Variants in SLC27A5 observed in about 807,000 individuals in gnomAD.
The protein encoded by SLC27A5 is long-chain fatty acid transport protein 5.
In SLC27A5, 47 loss-of-function variants were observed where a neutral mutation model predicts 63.1. The ratio of observed to expected loss-of-function variants is 0.74; its 90% confidence interval spans 0.59 to 0.95. SLC27A5 has a LOEUF of 0.95. Among genes scored for constraint, SLC27A5 ranks in the 40% least tolerant of loss-of-function variants. The pLI is 0.00. For missense variants in SLC27A5, 940 were observed against 921.0 expected, an observed-to-expected ratio of 1.02 and a Z score of -0.27; for synonymous variants, 391 against 403.8, an observed-to-expected ratio of 0.97 and a Z score of 0.38.
intron 4 of SLC27A5, 24 bp from the exon 5 acceptor site, chr19:58,500,730 TGAG>T (rs2053265645): frequency 1.2e-6 from 2 of 1,602,248 alleles, no homozygotes; most frequent in African/African-American, 2.7e-5. Context: ...CCCAGAAGGG[TGAG>T]GAGGAGGTGC....
rs143090243 is a variant in SLC27A5 at position 58,511,095 on chromosome 19, A to T, written c.689-165T>A. Reference sequence around the variant, plus strand: ...TTAGTATTTTTGGTCAAATTGTGGGAAAATTAAACTCTGATGACCTGAGAA... The same window carrying T: ...TTAGTATTTTTGGTCAAATTGTGGGTAAATTAAACTCTGATGACCTGAGAA... On this transcript the variant is annotated intron_variant, in intron 1 of 9. Transcript: ENST00000263093. 1,134 of 942,230 alleles carry T rather than the reference A, an allele frequency of 1.2e-3. 5 individuals carry two copies. In the African/African-American group the frequency reaches 0.017, roughly 14 times the overall value. The allele number at this position is 942,230 out of a possible 1,614,324, so 58.4% of individuals were successfully genotyped here.
chr19:58,511,429 G>A lies in SLC27A5; in HGVS notation c.527C>T (p.Ala176Val), dbSNP rs2053409730. 6.2e-7 allele frequency: 1 copy of A among 1,605,676 alleles called. No individual in the cohort carries two copies. Among genetic ancestry groups the A allele is most frequent in the Non-Finnish European group, 8.5e-7 (1 of 1,176,470 alleles). Residue 176 changes from alanine (A) to valine (V), a missense_variant, in exon 1 of 10, where the codon GCC (alanine) becomes GTC (valine). Coordinates refer to ENST00000263093, the MANE Select transcript of SLC27A5 (RefSeq NM_012254.3). ...PASLCAGEPT[A>V]LLVLASQAVP... ...GGCCTGGGAAGCCAGCACAAGGAGG[G>A]CAGTAGGCTCCCCGGCACACAGGCT...
intron 4 of SLC27A5, 137 bp downstream of exon 4, chr19:58,501,149 A>G: frequency 7.7e-7 from 1 of 1,306,936 alleles, no homozygotes; most frequent in Admixed American, 2.4e-5. Flanking sequence ...CCTTGTCTGA[A>G]ACTCATTATC....
At position 58,511,635 on chromosome 19, in the gene SLC27A5, G is replaced by T; in HGVS notation, c.321C>A (p.Cys107Ter). 2 of 1,599,502 alleles carry T rather than the reference G, an allele frequency of 1.3e-6. No homozygotes were observed. Among genetic ancestry groups the T allele is most frequent in the Non-Finnish European group, 1.7e-6 (2 of 1,172,348 alleles). The part of the protein sequence containing the change: ...ILHLGLKIRG[C>*]LSRQPPDTFV... Reference sequence around the variant, plus strand: ...AGGTGTCAGGCGGCTGCCGGCTCAAGCATCCCCTGATCTTCAGGCCCAGGT... The same window carrying T: ...AGGTGTCAGGCGGCTGCCGGCTCAATCATCCCCTGATCTTCAGGCCCAGGT... The change falls in exon 1 of 10, where the codon TGC becomes TGA. Residue 107 changes from cysteine (C) to a stop codon, truncating the protein, a stop_gained. Transcript: ENST00000263093. LOFTEE classifies it high-confidence loss of function.
Position 58,499,535 on chromosome 19 carries a change from C to A in SLC27A5, c.1624G>T (p.Glu542Ter), listed in dbSNP as rs200394327. The A allele has an allele frequency of 8.4e-5, 135 of 1,613,040 alleles. No individual in the cohort carries two copies. The highest frequency in any genetic ancestry group is 1.0e-4 in the Non-Finnish European group (121 of 1,180,038). Residue 542 changes from glutamate (E) to a stop codon, truncating the protein, a stop_gained, in exon 7 of 10, where the codon GAA becomes TAA. Transcript: ENST00000263093. LOFTEE classifies it high-confidence loss of function. ...CGGTCGCGGAAGTAGAGGAAGCCTT[C>A]GCGGTCCATGGCCAGTACGTCCCCG... is the stretch of plus-strand genomic sequence containing the variant. The part of the protein sequence containing the change: ...NTGDVLAMDR[E>*]GFLYFRDRLG...
In SLC27A5 at chr19:58,500,421, G is replaced by T; in HGVS notation, c.1386C>A (p.Ser462=). Residue 462 remains serine, a synonymous_variant, in exon 6 of 10, where the codon TCC becomes TCA. Coordinates refer to ENST00000263093, the MANE Select transcript of SLC27A5 (RefSeq NM_012254.3). ...TGTCGAACTGCACCAGCTCAAAGGGGGACAGCATCTGGGGTGGAGGGTGGA... is the reference window on the plus strand; with the variant it reads ...TGTCGAACTGCACCAGCTCAAAGGGTGACAGCATCTGGGGTGGAGGGTGGA... ...GKMSCLLRML[S]PFELVQFDME... The T allele has an allele frequency of 6.2e-7, 1 of 1,613,820 alleles. No homozygotes were observed. The highest frequency in any genetic ancestry group is 2.2e-5 in the East Asian group (1 of 44,878).
rs1451236140 is a variant in SLC27A5, at chr19:58,509,952, T to C, written c.952A>G (p.Met318Val). ...THERVLQMSK[M>V]LSLSGATADD... ...GCTGTGGCCCCAGATAAGGACAGCA[T>C]CTTGCTCATCTGCAGTACCCGCTCA... The change falls in exon 3 of 10, where the codon ATG becomes GTG. Residue 318 changes from methionine (M) to valine (V), a missense_variant. Physicochemically the swap from Met to Val is conservative, Grantham distance 21. Coordinates refer to ENST00000263093, the MANE Select transcript of SLC27A5 (RefSeq NM_012254.3). 2 of 1,613,958 alleles carry C rather than the reference T, an allele frequency of 1.2e-6. No individual in the cohort carries two copies. Among genetic ancestry groups the C allele is most frequent in the Non-Finnish European group, 1.7e-6 (2 of 1,180,020 alleles).
At chr19:58,499,271 C>T in intron 7 of SLC27A5, 51 bp from the exon 8 acceptor site, 1 of 1,554,898 alleles carries the variant, frequency 6.4e-7, no homozygotes, top group Non-Finnish European at 8.8e-7. Context: ...AAGGAGAGGC[C>T]CCGCCTCTTG....
chr19:58,499,155 T>G lies in SLC27A5; in HGVS notation c.1733A>C (p.Gln578Pro). The G allele has an allele frequency of 6.2e-7, 1 of 1,614,058 alleles. No individual in the cohort carries two copies. The highest frequency in any genetic ancestry group is 2.2e-5 in the East Asian group (1 of 44,886). The change falls in exon 8 of 10, where the codon CAA becomes CCA. Residue 578 changes from glutamine to proline, a missense_variant. Coordinates refer to ENST00000263093, the MANE Select transcript of SLC27A5 (RefSeq NM_012254.3). ...EGVLSQVDFL[Q>P]QVNVYGVCVP... The stretch of plus-strand genomic sequence containing the variant: ...GCACACGCCATACACGTTAACCTGT[T>G]GCAAGAAGTCCACCTGCGACAACAC...
chr19:58,503,662 C>G (rs1555794051), intron 3 of SLC27A5, among the ~76,000 whole-genome samples: 1 of 151,428 alleles, frequency 6.6e-6, no homozygotes, highest in Non-Finnish European at 1.5e-5. Flanking sequence ...GACCCTGTCT[C>G]AAAAGAAAAA....
chr19:58,511,774 G>C lies in SLC27A5; in HGVS notation c.182C>G (p.Pro61Arg). The C allele has an allele frequency of 1.3e-6, 2 of 1,553,244 alleles. No homozygotes were observed. The highest frequency in any genetic ancestry group is 2.4e-5 in the South Asian group (2 of 84,454). The change falls in exon 1 of 10, where the codon CCC becomes CGC. Residue 61 changes from proline to arginine, a missense_variant. Physicochemically the swap from Pro to Arg is moderately radical, Grantham distance 103. Transcript: ENST00000263093. ...LARPWLGPWVPHGLSLAAAAL... is the reference protein window; with the variant it reads ...LARPWLGPWVRHGLSLAAAAL... ...CGCAGCTGCCAGGCTCAGCCCATGG[G>C]GCACCCAGGGGCCGAGCCAGGGCCG...
intron 3 of SLC27A5, among the ~76,000 whole-genome samples, chr19:58,503,386 G>A (rs537029370): frequency 1.5e-4 from 23 of 152,172 alleles, no homozygotes; most frequent in Admixed American, 5.9e-4. Flanking sequence ...GGGGCTGGGC[G>A]TGGTGGCTCA....
intron 3 of SLC27A5, chr19:58,508,675 T>C (rs544089005): frequency 6.6e-6 from 1 of 151,992 alleles, no homozygotes; most frequent in Non-Finnish European, 1.5e-5. Flanking sequence ...TTGCCCACGC[T>C]GGTGTTGAAC....
intron 3 of SLC27A5, among the ~76,000 whole-genome samples, chr19:58,506,224 G>A (rs1013651991): frequency 2.6e-5 from 4 of 151,680 alleles, no homozygotes; most frequent in Admixed American, 2.0e-4. Flanking sequence ...ACCACACCTG[G>A]CCATGATAAA....
At chr19:58,511,133 C>G in intron 1 of SLC27A5, 135 bp downstream of exon 1, 1 of 1,052,206 alleles carries the variant, frequency 9.5e-7, no homozygotes, top group Non-Finnish European at 1.3e-6. Flanking sequence ...ACTTTCTGCT[C>G]ATAAGTCTTG....
chr19:58,504,515 G>T lies in SLC27A5; in HGVS notation c.1058-3105C>A, dbSNP rs368422909. 1.0e-3 allele frequency among the ~76,000 whole-genome samples: 152 copies of T among 147,648 alleles called. 1 individual carries two copies. In the East Asian group the frequency reaches 0.022, roughly 21 times the overall value. On this transcript the variant is annotated intron_variant, in intron 3 of 9. Transcript: ENST00000263093. Reference sequence around the variant, plus strand: ...AATACAAAAATTAGCCGCTTGTGGCGGTGCGTGCCTGTAATCCCAGCTATT... The same window carrying T: ...AATACAAAAATTAGCCGCTTGTGGCTGTGCGTGCCTGTAATCCCAGCTATT...
In SLC27A5 at chr19:58,499,674, C is replaced by T; in HGVS notation, c.1485G>A (p.Leu495=). 1 of 1,611,862 alleles carries T rather than the reference C, an allele frequency of 6.2e-7. No individual in the cohort carries two copies. Among genetic ancestry groups the T allele is most frequent in the Non-Finnish European group, 8.5e-7 (1 of 1,179,992 alleles). The change falls in exon 7 of 10, where the codon CTG becomes CTA. Residue 495 remains leucine, a synonymous_variant. Transcript: ENST00000263093. ...GTTGCTGGCTTACCACCTTGGTCAGCAGCAGCCCCGGCTCCCCTGGGGTAG... is the reference window on the plus strand; with the variant it reads ...GTTGCTGGCTTACCACCTTGGTCAGTAGCAGCCCCGGCTCCCCTGGGGTAG... ...IPVGLGEPGL[L]LTKVVSQQPF...
intron 3 of SLC27A5, among the ~76,000 whole-genome samples, chr19:58,507,055 AT>A (rs1014035682): frequency 3.4e-4 from 52 of 151,608 alleles, no homozygotes; most frequent in African/African-American, 1.2e-3. Flanking sequence ...ACTTTTCATA[AT>A]TAAAAAAAAA....
At position 58,498,410 on chromosome 19, in the gene SLC27A5, A is replaced by C; in HGVS notation, c.*105T>G. 8.5e-7 allele frequency: 1 copy of C among 1,174,102 alleles called. No individual in the cohort carries two copies. Among genetic ancestry groups the C allele is most frequent in the Non-Finnish European group, 1.2e-6 (1 of 845,744 alleles). The allele number at this position is 1,174,102 out of a possible 1,614,324, so 72.7% of individuals were successfully genotyped here. ...TTTCCAGCCCACTGAGGTTGAGGGTATGGCCAGGCTGGGATTCACACAGGC... is the reference window on the plus strand; with the variant it reads ...TTTCCAGCCCACTGAGGTTGAGGGTCTGGCCAGGCTGGGATTCACACAGGC... On this transcript the variant is annotated 3_prime_UTR_variant, in exon 10 of 10. Transcript: ENST00000263093.
Sources: gnomAD v4.1 joint callset for allele counts (sites outside exome capture counted in the v4.1 genomes callset) on GRCh38, gnomAD v4.1.1 for gene constraint, MANE v1.5 for transcripts, NCBI Gene and HGNC (gene_info 2026-07-23, HGNC 2026-07-21) for gene names.